The following KCNT2 variants were observed in gnomAD, a reference collection of about 807,000 sequenced individuals.
KCNT2 encodes the protein potassium sodium-activated channel subfamily T member 2, also known as potassium channel subfamily T member 2.
In KCNT2, 67 loss-of-function variants were observed where a neutral mutation model predicts 153.8. That is an observed-to-expected ratio of 0.44 (90% CI 0.36 to 0.53). KCNT2 has a LOEUF of 0.53. Ranked by LOEUF, KCNT2 falls within the 20% of genes least tolerant of loss-of-function variation. The pLI is 0.00. For synonymous variants in KCNT2, 500 were observed against 458.8 expected (o/e 1.09, Z -1.15); for missense variants, 975 against 1,354.8 (o/e 0.72, Z 4.40).
At chr1:196,340,666 G>T in intron 15 of KCNT2, 96 bp from the exon 16 acceptor site, 2 of 720,626 alleles carry the variant, frequency 2.8e-6, no homozygotes, top group African/African-American at 1.8e-5. Context: ...TTTAAAGCTT[G>T]AAATGATCCT....
intron 1 of KCNT2, among the ~76,000 whole-genome samples, chr1:196,594,946 T>C (rs1396185700): frequency 6.6e-6 from 1 of 152,192 alleles, no homozygotes; most frequent in Non-Finnish European, 1.5e-5. Flanking sequence ...ATTAACGGCA[T>C]ACCATAGGTT....
chr1:196,535,284 T>C (rs919612025), intron 1 of KCNT2, among the ~76,000 whole-genome samples: 1 of 152,194 alleles, frequency 6.6e-6, no homozygotes, highest in Non-Finnish European at 1.5e-5. Flanking sequence ...TTTGGCTTTA[T>C]TGTTAAAATG....
At chr1:196,540,341 C>T (rs886515841) in intron 1 of KCNT2, among the ~76,000 whole-genome samples, 13 of 152,048 alleles carry the variant, frequency 8.5e-5, no homozygotes, top group Non-Finnish European at 1.6e-4. Flanking sequence ...AAATTATAAA[C>T]ATAACTTCAA....
At chr1:196,372,693 C>T (rs1365133731) in intron 14 of KCNT2, among the ~76,000 whole-genome samples, 3 of 151,772 alleles carry the variant, frequency 2.0e-5, no homozygotes, top group East Asian at 1.9e-4. Flanking sequence ...TATAAAATTG[C>T]CATTTTGACA....
chr1:196,457,053 A>G (rs1437183733), intron 8 of KCNT2, among the ~76,000 whole-genome samples: 1 of 151,868 alleles, frequency 6.6e-6, no homozygotes, highest in African/African-American at 2.4e-5. Context: ...TTCCAAACAA[A>G]ATAATTTTTT....
intron 25 of KCNT2, among the ~76,000 whole-genome samples, chr1:196,258,838 A>G (rs1371376515): frequency 1.3e-5 from 2 of 152,180 alleles, no homozygotes; most frequent in Non-Finnish European, 1.5e-5. Context: ...CAGACATTTT[A>G]CAACTTTATC....
intron 1 of KCNT2, among the ~76,000 whole-genome samples, chr1:196,534,220 T>A (rs1423267734): frequency 6.6e-6 from 1 of 152,188 alleles, no homozygotes; most frequent in African/African-American, 2.4e-5. Flanking sequence ...GTTGAATGCA[T>A]TTGAAAAATA....
At chr1:196,536,257 A>G (rs1034077086) in intron 1 of KCNT2, among the ~76,000 whole-genome samples, 3 of 152,236 alleles carry the variant, frequency 2.0e-5, no homozygotes, top group Non-Finnish European at 4.4e-5. Flanking sequence ...ATGTCTTGCC[A>G]TATGGCCTGG....
intron 3 of KCNT2, among the ~76,000 whole-genome samples, chr1:196,482,800 A>G (rs1328297541): frequency 6.6e-6 from 1 of 152,272 alleles, no homozygotes; most frequent in East Asian, 1.9e-4. Context: ...GTAACAGAGT[A>G]TACAACACAG....
intron 1 of KCNT2, among the ~76,000 whole-genome samples, chr1:196,510,674 A>G (rs963756983): frequency 6.6e-6 from 1 of 152,196 alleles, no homozygotes; most frequent in Middle Eastern, 3.2e-3. Context: ...AGTGGGTGTG[A>G]TCGACATGGA....
chr1:196,451,541 G>A (rs895040771), intron 8 of KCNT2, among the ~76,000 whole-genome samples: 2 of 148,644 alleles, frequency 1.3e-5, no homozygotes, highest in African/African-American at 2.5e-5. Context: ...ATGAGCCACC[G>A]TGCCAGGCCA....
intron 1 of KCNT2, among the ~76,000 whole-genome samples, chr1:196,586,859 C>T (rs138991241): frequency 6.6e-6 from 1 of 152,144 alleles, no homozygotes; most frequent in East Asian, 1.9e-4. Flanking sequence ...GAATAATAAT[C>T]ACAATATTTA....
chr1:196,348,319 T>G (rs1666312733), intron 14 of KCNT2, among the ~76,000 whole-genome samples: 1 of 151,874 alleles, frequency 6.6e-6, no homozygotes, highest in African/African-American at 2.4e-5. Context: ...ACATAAGAAA[T>G]ATTATGGACA....
intron 21 of KCNT2, among the ~76,000 whole-genome samples, chr1:196,306,089 T>A (rs1661609711): frequency 6.6e-6 from 1 of 152,096 alleles, no homozygotes; most frequent in Non-Finnish European, 1.5e-5. Flanking sequence ...TTTTTGCTGT[T>A]GTTCATGATC....
At chr1:196,591,278 C>A (rs1214072980) in intron 1 of KCNT2, among the ~76,000 whole-genome samples, 2 of 152,056 alleles carry the variant, frequency 1.3e-5, no homozygotes, top group African/African-American at 4.8e-5. Flanking sequence ...TCCCCTCTTA[C>A]AACTTCCACA....
At chr1:196,349,405 C>T (rs908649425) in intron 14 of KCNT2, among the ~76,000 whole-genome samples, 1 of 152,136 alleles carries the variant, frequency 6.6e-6, no homozygotes, top group Non-Finnish European at 1.5e-5. Flanking sequence ...CAGGCTTGTT[C>T]TCCCTGGGCT....
rs143048045 is a variant in KCNT2 at position 196,393,224 on chromosome 1, C to T, written c.1294+5339G>A. ...ACTTGTGAGTGAAAATTTGCCAATT[C>T]GATTGTTATTTCTTCTCATATCTGT... On this transcript the variant is annotated intron_variant, in intron 13 of 27. Transcript: ENST00000294725. Among the ~76,000 whole-genome samples, 86 of 151,396 alleles carry T rather than the reference C, an allele frequency of 5.7e-4. 4 individuals carry two copies. The South Asian group carries it at 0.017, about 30-fold the overall frequency.
chr1:196,407,109 A>G (rs1368245421), intron 12 of KCNT2, among the ~76,000 whole-genome samples: 1 of 151,522 alleles, frequency 6.6e-6, no homozygotes, highest in African/African-American at 2.4e-5. Context: ...TATTTTACTT[A>G]CTTAAATCCT....
At chr1:196,284,516 A>G (rs913411899) in intron 23 of KCNT2, among the ~76,000 whole-genome samples, 2 of 151,714 alleles carry the variant, frequency 1.3e-5, no homozygotes, top group African/African-American at 2.4e-5. Context: ...CTACTGGTGC[A>G]TAATGGTACC....
Sources: gnomAD v4.1 joint callset for allele counts (sites outside exome capture counted in the v4.1 genomes callset) on GRCh38, gnomAD v4.1.1 for gene constraint, MANE v1.5 for transcripts, NCBI Gene and HGNC (gene_info 2026-07-23, HGNC 2026-07-21) for gene names.